HPS3: variants seen among roughly 807,000 people sequenced by gnomAD.
The protein encoded by HPS3 is HPS3 biogenesis of lysosomal organelles complex 2 subunit 1.
A neutral mutation model predicts 110.9 loss-of-function variants in HPS3; 79 were observed. The observed-to-expected ratio is 0.71, with a 90% CI of 0.59 to 0.86. The LOEUF is 0.86. HPS3 is among the 40% of genes least tolerant of loss of function. HPS3 has a pLI of 0.00. For missense variants in HPS3, 1,197 were observed against 1,206.2 expected (o/e 0.99, Z 0.11); for synonymous variants, 428 against 451.0 (o/e 0.95, Z 0.65).
At chr3:149,151,587 T>TGAAAAAA (rs1723115835) in intron 6 of HPS3, among the ~76,000 whole-genome samples, 1 of 40,300 alleles carries the variant, frequency 2.5e-5, no homozygotes, top group Admixed American at 3.4e-4. Context: ...GCTTGGTTTC[T>TGAAAAAA]AAAAAAAAAA....
intron 1 of HPS3, among the ~76,000 whole-genome samples, chr3:149,132,453 T>C (rs2108116653): frequency 6.6e-6 from 1 of 152,346 alleles, no homozygotes; most frequent in South Asian, 2.1e-4. Context: ...ACAGCACAGC[T>C]GTTACAACAT....
In HPS3 at chr3:149,158,666, G is replaced by A; in HGVS notation, c.1692G>A (p.Arg564=). The A allele has an allele frequency of 1.2e-6, 2 of 1,613,260 alleles. No homozygotes were observed. Among genetic ancestry groups the A allele is most frequent in the South Asian group, 2.2e-5 (2 of 91,060 alleles). ...AGGTTTTTCATTTCCTTCCCTTTAG[G>A]CTTGACTCCCAGCATTCTCATCTCA... The part of the protein sequence containing the change: ...SCGHLGDCYS[R]LDSQHSHLTL... Residue 564 remains arginine, a splice_region_variant and synonymous_variant, in exon 10 of 17, where the codon AGG becomes AGA. Coordinates refer to ENST00000296051, the MANE Select transcript of HPS3 (RefSeq NM_032383.5).
chr3:149,140,540 A>G, intron 2 of HPS3, 42 bp downstream of exon 2: 1 of 1,610,306 alleles, frequency 6.2e-7, no homozygotes, highest in Non-Finnish European at 8.5e-7. Context: ...TTAGGAATAT[A>G]GAAAACCTTC....
At chr3:149,168,168 T>G in intron 16 of HPS3, 185 bp downstream of exon 16, 1 of 585,068 alleles carries the variant, frequency 1.7e-6, no homozygotes, top group African/African-American at 1.9e-5. Flanking sequence ...TATCTCCTAG[T>G]CACAGAACTG....
At position 149,144,255 on chromosome 3, in the gene HPS3, C is replaced by T. The variant is rs556338928; in HGVS notation, c.971-1099C>T. Among the ~76,000 whole-genome samples, 52 of 149,176 alleles carry T rather than the reference C, an allele frequency of 3.5e-4. No homozygotes were observed. The South Asian group carries it at 9.9e-3, about 29-fold the overall frequency. The stretch of plus-strand genomic sequence containing the variant: ...AAAATTAGCCAGGCATGGTGGTGGG[C>T]GCCTGTAGTCCCAGCTACCTGGGAG... On this transcript the variant is annotated intron_variant, in intron 4 of 16. Transcript: ENST00000296051.
chr3:149,158,705 T>C lies in HPS3; in HGVS notation c.1731T>C (p.Tyr577=), dbSNP rs1443493957. Residue 577 remains tyrosine, a synonymous_variant, in exon 10 of 17, where the codon TAT becomes TAC. Transcript: ENST00000296051. The part of the protein sequence containing the change: ...SQHSHLTLPY[Y]KMSGLSMAEV... ...ATTCTCATCTCACCTTGCCATACTA[T>C]AAGATGTCTGGTTTGTCTATGGCTG... is the stretch of plus-strand genomic sequence containing the variant. The C allele has an allele frequency of 6.2e-7, 1 of 1,613,790 alleles. No individual in the cohort carries two copies. The highest frequency in any genetic ancestry group is 8.5e-7 in the Non-Finnish European group (1 of 1,179,794).
intron 11 of HPS3, among the ~76,000 whole-genome samples, chr3:149,161,397 T>C (rs770144419): frequency 9.9e-5 from 15 of 151,830 alleles, no homozygotes; most frequent in Non-Finnish European, 1.9e-4. Flanking sequence ...ATATTACTTA[T>C]AATACCTAAT....
rs1723995967 is a variant in HPS3 at position 149,162,699 on chromosome 3, G to A, written c.2302G>A (p.Ala768Thr). The A allele has an allele frequency of 6.2e-7, 1 of 1,613,822 alleles. No homozygotes were observed. The highest frequency in any genetic ancestry group is 8.5e-7 in the Non-Finnish European group (1 of 1,179,916). ...EADSFFKVLCAKDEDTIPQLL... is the reference protein window; with the variant it reads ...EADSFFKVLCTKDEDTIPQLL... Reference sequence around the variant, plus strand: ...TTTTACTGTTTTTAAGGTGCTTTGTGCTAAGGATGAAGATACAATTCCTCA... The same window carrying A: ...TTTTACTGTTTTTAAGGTGCTTTGTACTAAGGATGAAGATACAATTCCTCA... Residue 768 changes from alanine to threonine, a missense_variant, in exon 13 of 17, where the codon GCT becomes ACT. Ala to Thr is a moderately conservative substitution (Grantham distance 58, BLOSUM62 0). Coordinates refer to ENST00000296051, the MANE Select transcript of HPS3 (RefSeq NM_032383.5).
Position 149,142,777 on chromosome 3 carries a change from G to C in HPS3, c.970+1397G>C, listed in dbSNP as rs781402484. 8.0e-4 allele frequency among the ~76,000 whole-genome samples: 121 copies of C among 152,178 alleles called. 1 individual carries two copies. Among genetic ancestry groups the C allele is most frequent in the Non-Finnish European group, 1.6e-3 (109 of 68,028 alleles). On this transcript the variant is annotated intron_variant, in intron 4 of 16. Coordinates refer to ENST00000296051, the MANE Select transcript of HPS3 (RefSeq NM_032383.5). The stretch of plus-strand genomic sequence containing the variant: ...CGGAGCTAATTGTCTAGTGGGGGAA[G>C]GGAGACATTCGAATAACGGCAGATT...
intron 15 of HPS3, 130 bp downstream of exon 15, chr3:149,167,370 G>A: frequency 1.4e-6 from 1 of 735,600 alleles, no homozygotes; most frequent in Non-Finnish European, 2.4e-6. Context: ...GGTCCATTGA[G>A]CATATATGTT....
At chr3:149,151,206 T>TTATTATTATTA (rs576903844) in intron 6 of HPS3, among the ~76,000 whole-genome samples, 7 of 140,606 alleles carry the variant, frequency 5.0e-5, no homozygotes. Flanking sequence ...TATTATTATT[T>TTATTATTATTA]TTTTTTCTGC....
chr3:149,170,941 A>G (rs1296501964), intron 16 of HPS3, among the ~76,000 whole-genome samples: 3 of 152,280 alleles, frequency 2.0e-5, no homozygotes, highest in East Asian at 3.9e-4. Flanking sequence ...GTAGAATCAT[A>G]AAGTTGCATT....
chr3:149,169,441 G>A (rs748617628), intron 16 of HPS3, among the ~76,000 whole-genome samples: 1 of 152,182 alleles, frequency 6.6e-6, no homozygotes, highest in Non-Finnish European at 1.5e-5. Flanking sequence ...ATTGCAAGAG[G>A]GAGAGGTTGG....
chr3:149,149,422 G>A (rs952425573), intron 5 of HPS3, among the ~76,000 whole-genome samples: 2 of 152,088 alleles, frequency 1.3e-5, no homozygotes, highest in Non-Finnish European at 2.9e-5. Context: ...TTTGTAAGTG[G>A]TAGTGCTACT....
At chr3:149,156,574 CTT>C (rs35727286) in intron 8 of HPS3, among the ~76,000 whole-genome samples, 3 of 135,434 alleles carry the variant, frequency 2.2e-5, no homozygotes, top group Admixed American at 7.4e-5. Flanking sequence ...TTAGGGTTTG[CTT>C]TTTTTTTTTT....
At chr3:149,159,995 C>T in intron 10 of HPS3, 51 bp from the exon 11 acceptor site, 1 of 1,360,052 alleles carries the variant, frequency 7.4e-7, no homozygotes, top group Non-Finnish European at 1.1e-6. Flanking sequence ...TTGTTGCTTT[C>T]TTCTGGCTGA....
intron 14 of HPS3, among the ~76,000 whole-genome samples, chr3:149,166,367 T>G (rs1447257376): frequency 2.0e-5 from 3 of 152,296 alleles, no homozygotes. Flanking sequence ...CAGGAAGGGG[T>G]GTAAAGAAAA....
intron 1 of HPS3, chr3:149,130,180 C>T (rs7643306): frequency 8.7e-6 from 5 of 575,824 alleles, no homozygotes; most frequent in Non-Finnish European, 1.5e-5. Context: ...GACATCTCTT[C>T]GTCTTGGTTT....
At chr3:149,171,276 CAA>C (rs547538833) in intron 16 of HPS3, among the ~76,000 whole-genome samples, 4 of 140,920 alleles carry the variant, frequency 2.8e-5, no homozygotes, top group South Asian at 4.4e-4. Flanking sequence ...GACTCCGTCT[CAA>C]AAAAAAAAAA....
Sources: gnomAD v4.1 joint callset for allele counts (sites outside exome capture counted in the v4.1 genomes callset) on GRCh38, gnomAD v4.1.1 for gene constraint, MANE v1.5 for transcripts, NCBI Gene and HGNC (gene_info 2026-07-23, HGNC 2026-07-21) for gene names.